KCNN2: variants seen among roughly 807,000 people sequenced by gnomAD.
KCNN2 encodes small conductance calcium-activated potassium channel protein 2.
Under a neutral mutation model 55.5 loss-of-function variants are expected in KCNN2, and 24 were observed. That is an observed-to-expected ratio of 0.43 (90% CI 0.31 to 0.61). The LOEUF is 0.61. Ranked by LOEUF, KCNN2 falls within the 20% of genes least tolerant of loss-of-function variation. KCNN2 has a pLI of 0.08. For missense variants in KCNN2, 754 were observed against 853.6 expected (o/e 0.88, Z 1.45); for synonymous variants, 431 against 336.1 (o/e 1.28, Z -3.09).
At chr5:114,394,218 T>C (rs998286174) in intron 2 of KCNN2, among the ~76,000 whole-genome samples, 1 of 152,216 alleles carries the variant, frequency 6.6e-6, no homozygotes, top group African/African-American at 2.4e-5. Flanking sequence ...AAAAGTGATA[T>C]CTCATTTTCT....
At chr5:114,165,826 G>A (rs114646441) in intron 1 of KCNN2, among the ~76,000 whole-genome samples, 4 of 152,038 alleles carry the variant, frequency 2.6e-5, no homozygotes, top group Non-Finnish European at 2.9e-5. Flanking sequence ...AACAGTAGGC[G>A]ATTAGTAGTT....
At chr5:114,167,105 T>C (rs1179142679) in intron 1 of KCNN2, among the ~76,000 whole-genome samples, 1 of 152,112 alleles carries the variant, frequency 6.6e-6, no homozygotes. Flanking sequence ...GCTGAGATCC[T>C]AAACAATAGC....
At chr5:114,459,183 T>C (rs965941367) in intron 3 of KCNN2, among the ~76,000 whole-genome samples, 19 of 152,220 alleles carry the variant, frequency 1.2e-4, no homozygotes, top group African/African-American at 4.6e-4. Flanking sequence ...GATCTTACAG[T>C]CTTTGTCTCT....
At chr5:114,336,067 T>C (rs1198148957) in intron 2 of KCNN2, among the ~76,000 whole-genome samples, 5 of 152,164 alleles carry the variant, frequency 3.3e-5, no homozygotes, top group African/African-American at 4.8e-5. Context: ...AAGCAACTAA[T>C]TGATGTGGTT....
At chr5:114,171,813 T>C (rs1484885862) in intron 1 of KCNN2, among the ~76,000 whole-genome samples, 4 of 151,904 alleles carry the variant, frequency 2.6e-5, no homozygotes, top group Non-Finnish European at 4.4e-5. Context: ...CTCTTTGACC[T>C]GTGGAATGTC....
chr5:114,449,249 T>G (rs1760544806), intron 3 of KCNN2, among the ~76,000 whole-genome samples: 1 of 152,108 alleles, frequency 6.6e-6, no homozygotes, highest in Non-Finnish European at 1.5e-5. Context: ...CAGCCCTCTT[T>G]TCAGTCTTTG....
Position 114,471,981 on chromosome 5 carries a change from C to T in KCNN2, c.1780-1073C>T, listed in dbSNP as rs551632012. ...ATCTACTTTCTGTGCCTCTGTCTAG[C>T]GGACTCTGCCTGTGCCCTGCCATTT... On this transcript the variant is annotated intron_variant, in intron 4 of 7. Coordinates refer to ENST00000673685, the MANE Select transcript of KCNN2 (RefSeq NM_021614.4). Among the ~76,000 whole-genome samples, 14 of 152,302 alleles carry T rather than the reference C, an allele frequency of 9.2e-5. No homozygotes were observed. The East Asian group carries it at 9.6e-4, about 10-fold the overall frequency.
Position 114,288,499 on chromosome 5 carries a change from T to TACACAC in KCNN2, c.-185+66960_-185+66965dup, listed in dbSNP as rs1203371494. On this transcript the variant is annotated intron_variant, in intron 2 of 10. Coordinates refer to the KCNN2 transcript ENST00000512097. The stretch of plus-strand genomic sequence containing the variant: ...TTTGCCATTACTTTATATATATATA[T>TACACAC]ACACACACACACACACACACACACA... Among the ~76,000 whole-genome samples, 760 of 139,600 alleles carry TACACAC rather than the reference T, an allele frequency of 5.4e-3. 6 individuals carry two copies. Among genetic ancestry groups the TACACAC allele is most frequent in the Non-Finnish European group, 6.2e-3 (406 of 65,064 alleles). 91.6% of individuals were successfully genotyped at this position (139,600 alleles called of 152,430 possible).
intron 3 of KCNN2, among the ~76,000 whole-genome samples, chr5:114,418,510 C>T (rs1182827409): frequency 6.6e-6 from 1 of 151,976 alleles, no homozygotes; most frequent in Middle Eastern, 3.2e-3. Context: ...TGGATGTTGC[C>T]TTACGGGCTC....
intron 2 of KCNN2, among the ~76,000 whole-genome samples, chr5:114,383,788 A>G (rs955055773): frequency 1.3e-5 from 2 of 152,224 alleles, no homozygotes; most frequent in African/African-American, 2.4e-5. Flanking sequence ...TTTTAAATGC[A>G]TGTGGCACAG....
At chr5:114,186,017 A>T (rs1206393553) in intron 1 of KCNN2, among the ~76,000 whole-genome samples, 1 of 152,124 alleles carries the variant, frequency 6.6e-6, no homozygotes, top group Non-Finnish European at 1.5e-5. Flanking sequence ...GTGTACTCTG[A>T]TTTATGTTGT....
intron 1 of KCNN2, among the ~76,000 whole-genome samples, chr5:114,143,660 A>G (rs1018025829): frequency 1.3e-5 from 2 of 152,182 alleles, no homozygotes. Flanking sequence ...CTGCACGTCC[A>G]TTCATAGGCT....
chr5:114,309,677 G>T (rs1756359404), intron 2 of KCNN2, among the ~76,000 whole-genome samples: 1 of 152,166 alleles, frequency 6.6e-6, no homozygotes, highest in Non-Finnish European at 1.5e-5. Context: ...TGCTAACAGG[G>T]ATATGGAAAG....
chr5:114,135,093 A>G (rs1752148406), intron 1 of KCNN2, among the ~76,000 whole-genome samples: 1 of 152,206 alleles, frequency 6.6e-6, no homozygotes, highest in Non-Finnish European at 1.5e-5. Context: ...CATTTTAAGA[A>G]TAAGACAAGG....
intron 2 of KCNN2, among the ~76,000 whole-genome samples, chr5:114,315,220 T>G (rs970213376): frequency 6.6e-6 from 1 of 152,184 alleles, no homozygotes; most frequent in South Asian, 2.1e-4. Context: ...TCATAAACTA[T>G]TATACCTGGT....
chr5:114,202,586 T>TATATATATATATATA (rs1554074534), intron 1 of KCNN2, among the ~76,000 whole-genome samples: 1 of 67,020 alleles, frequency 1.5e-5, no homozygotes, highest in African/African-American at 5.6e-5. Context: ...TATATATATA[T>TATATATATATATATA]TTTTTTTTTT....
At chr5:114,235,671 C>T (rs981448246) in intron 2 of KCNN2, among the ~76,000 whole-genome samples, 2 of 152,114 alleles carry the variant, frequency 1.3e-5, no homozygotes, top group Non-Finnish European at 2.9e-5. Flanking sequence ...CTAAACTGTT[C>T]GTTTTTTAAA....
chr5:114,411,399 T>C (rs1172761870), intron 3 of KCNN2, among the ~76,000 whole-genome samples: 1 of 152,122 alleles, frequency 6.6e-6, no homozygotes, highest in Non-Finnish European at 1.5e-5. Context: ...CACAGGATTA[T>C]GGAGACTGAG....
At chr5:114,260,942 A>T (rs936815208) in intron 2 of KCNN2, among the ~76,000 whole-genome samples, 6 of 152,174 alleles carry the variant, frequency 3.9e-5, no homozygotes, top group African/African-American at 1.4e-4. Flanking sequence ...AGAGGAAAAA[A>T]GAAGATTGTT....
Sources: allele counts gnomAD v4.1 joint callset (sites outside exome capture counted in the v4.1 genomes callset), GRCh38; gene constraint gnomAD v4.1.1; transcripts MANE v1.5; gene names NCBI Gene and HGNC (gene_info 2026-07-23, HGNC 2026-07-21).